The following THAP4 variants were observed in gnomAD, a reference collection of about 807,000 sequenced individuals.
The protein encoded by THAP4 is THAP domain containing 4.
Under a neutral mutation model 48.1 loss-of-function variants are expected in THAP4, and 18 were observed. The ratio of observed to expected loss-of-function variants is 0.37; its 90% CI spans 0.26 to 0.56. The LOEUF is 0.56. THAP4 is among the 20% of genes least tolerant of loss of function. THAP4 has a pLI of 0.78. For synonymous variants in THAP4, 345 were observed against 324.9 expected (o/e 1.06, Z -0.66); for missense variants, 656 against 774.9 (o/e 0.85, Z 1.82).
Position 241,637,116 on chromosome 2 carries a change from G to T in THAP4, c.-99C>A, listed in dbSNP as rs2067684380. 1 of 1,007,986 alleles carries T rather than the reference G, an allele frequency of 9.9e-7. No homozygotes were observed. Among genetic ancestry groups the T allele is most frequent in the Non-Finnish European group, 1.2e-6 (1 of 848,024 alleles). The allele number at this position is 1,007,986 out of a possible 1,614,324, so 62.4% of individuals were successfully genotyped here. A position where few individuals can be genotyped will look rare whatever the true frequency, so the allele number is the denominator to read the frequency against. Reference sequence around the variant, plus strand: ...AGGGAGCGCGGCGGCGACACGGCTCGGGACGTGGGCCGGCCCGCGGCGTCC... The same window carrying T: ...AGGGAGCGCGGCGGCGACACGGCTCTGGACGTGGGCCGGCCCGCGGCGTCC... On this transcript the variant is annotated 5_prime_UTR_variant, in exon 1 of 6. Coordinates refer to ENST00000407315, the MANE Select transcript of THAP4 (RefSeq NM_015963.6).
intron 5 of THAP4, among the ~76,000 whole-genome samples, chr2:241,591,556 A>G (rs1352430672): frequency 1.3e-5 from 2 of 152,130 alleles, no homozygotes; most frequent in African/African-American, 4.8e-5. Context: ...GGAACCAGAG[A>G]GAGGGTGAGA....
chr2:241,612,846 C>T lies in THAP4; in HGVS notation c.1241-6373G>A, dbSNP rs1415427020. ...GCAAGGATGCTACGGCTGGCCACAG[C>T]GATCCTTCCAGATTGCAGGCGCGTG... On this transcript the variant is annotated intron_variant, in intron 2 of 5. Coordinates refer to ENST00000407315, the MANE Select transcript of THAP4 (RefSeq NM_015963.6). This position sits in a 1 kb window ranked among gnomAD's most constrained non-coding sequence, Gnocchi z 4.1. Among the ~76,000 whole-genome samples, 8 of 152,180 alleles carry T rather than the reference C, an allele frequency of 5.3e-5. No homozygotes were observed. The highest frequency in any genetic ancestry group is 9.7e-5 in the African/African-American group (4 of 41,450).
At chr2:241,606,811 G>T (rs963143171) in intron 2 of THAP4, among the ~76,000 whole-genome samples, 3 of 152,126 alleles carry the variant, frequency 2.0e-5, no homozygotes, top group African/African-American at 7.2e-5. Context: ...GACCTCAAGG[G>T]GCTTTTGCTT....
chr2:241,622,367 A>G (rs1371566352), intron 2 of THAP4, among the ~76,000 whole-genome samples: 1 of 152,194 alleles, frequency 6.6e-6, no homozygotes, highest in Non-Finnish European at 1.5e-5. Context: ...GCTCTGTCTC[A>G]AACAAAACAA....
intron 2 of THAP4, among the ~76,000 whole-genome samples, chr2:241,606,807 A>G (rs764397748): frequency 1.4e-4 from 22 of 152,212 alleles, no homozygotes; most frequent in Non-Finnish European, 2.8e-4. Context: ...GAGGGACCTC[A>G]AGGGGCTTTT....
intron 2 of THAP4, among the ~76,000 whole-genome samples, chr2:241,626,875 T>C (rs965527150): frequency 6.6e-6 from 1 of 152,238 alleles, no homozygotes; most frequent in South Asian, 2.1e-4. Context: ...ATCTGGATTT[T>C]TGAACAACTT....
chr2:241,635,721 A>T (rs1248813472), intron 1 of THAP4, among the ~76,000 whole-genome samples: 13 of 151,546 alleles, frequency 8.6e-5, no homozygotes, highest in Admixed American at 2.0e-4. Context: ...GTGAGCCGAG[A>T]TCGCACCAAT....
At chr2:241,636,763 G>A (rs1431245620) in intron 1 of THAP4, among the ~76,000 whole-genome samples, 178 bp downstream of exon 1, 1 of 150,408 alleles carries the variant, frequency 6.6e-6, no homozygotes, top group Non-Finnish European at 1.5e-5. Flanking sequence ...GCTGCCCGAG[G>A]CGCCCGGCCC....
intron 2 of THAP4, among the ~76,000 whole-genome samples, chr2:241,613,490 A>C (rs1192949109): frequency 6.6e-6 from 1 of 152,222 alleles, no homozygotes; most frequent in Non-Finnish European, 1.5e-5. Flanking sequence ...GCAGTGGCTC[A>C]TATCTGTAAT....
At chr2:241,631,983 C>T (rs2067569197) in intron 2 of THAP4, among the ~76,000 whole-genome samples, 2 of 151,734 alleles carry the variant, frequency 1.3e-5, no homozygotes, top group South Asian at 4.1e-4. Flanking sequence ...TCTCAGCTCA[C>T]TGCAACCTCC....
chr2:241,637,215 C>A (rs2067687894), upstream of THAP4: 1 of 992,038 alleles, frequency 1.0e-6, no homozygotes. Context: ...CCCGCGTCCT[C>A]GCCAGCCGCG....
intron 5 of THAP4, among the ~76,000 whole-genome samples, chr2:241,587,306 C>G (rs1490927454): frequency 6.6e-6 from 1 of 152,192 alleles, no homozygotes; most frequent in Non-Finnish European, 1.5e-5. Context: ...GGGATACACT[C>G]TTCCTCCCCC....
At chr2:241,609,485 AAAAG>A (rs2067234796) in intron 2 of THAP4, among the ~76,000 whole-genome samples, 2 of 152,192 alleles carry the variant, frequency 1.3e-5, no homozygotes, top group African/African-American at 4.8e-5. Context: ...CTCAGCACTG[AAAAG>A]AAAGAGGCTT....
At chr2:241,606,663 C>T (rs1035328727) in intron 2 of THAP4, among the ~76,000 whole-genome samples, 190 bp from the exon 3 acceptor site, 1 of 152,174 alleles carries the variant, frequency 6.6e-6, no homozygotes, top group Non-Finnish European at 1.5e-5. Context: ...GCTTCAGAAG[C>T]CTCTGCAGTT....
intron 2 of THAP4, among the ~76,000 whole-genome samples, chr2:241,626,570 G>T (rs1260063048): frequency 4.8e-5 from 7 of 144,624 alleles, no homozygotes; most frequent in Admixed American, 1.4e-4. Context: ...AACAGTTTTT[G>T]TTTTTTTTTT....
intron 2 of THAP4, among the ~76,000 whole-genome samples, chr2:241,613,169 T>C (rs1380970692): frequency 6.6e-6 from 1 of 151,974 alleles, no homozygotes; most frequent in Non-Finnish European, 1.5e-5. Flanking sequence ...GGAGCTTTGT[T>C]TCTATGTCTT....
At chr2:241,636,065 G>A (rs1223829446) in intron 1 of THAP4, among the ~76,000 whole-genome samples, 1 of 152,114 alleles carries the variant, frequency 6.6e-6, no homozygotes, top group African/African-American at 2.4e-5. Flanking sequence ...AAACTTCTAG[G>A]ACACAAGCTC....
At chr2:241,588,465 T>C (rs534236664) in intron 5 of THAP4, among the ~76,000 whole-genome samples, 137 of 152,318 alleles carry the variant, frequency 9.0e-4, no homozygotes, top group African/African-American at 3.0e-3. Context: ...GGTCCTAGGA[T>C]AGCCAAAACA....
At chr2:241,611,153 C>T (rs999347585) in intron 2 of THAP4, among the ~76,000 whole-genome samples, 2 of 152,122 alleles carry the variant, frequency 1.3e-5, no homozygotes, top group Non-Finnish European at 2.9e-5. Flanking sequence ...CAGGAGGGGC[C>T]TCTGGGAGCT....
Sources: allele counts gnomAD v4.1 joint callset (sites outside exome capture counted in the v4.1 genomes callset), GRCh38; gene constraint gnomAD v4.1.1; non-coding constraint Gnocchi (gnomAD v3.1); transcripts MANE v1.5; gene names NCBI Gene and HGNC (gene_info 2026-07-23, HGNC 2026-07-21).